Variants in SGCD observed in about 807,000 individuals in gnomAD.
SGCD encodes the protein sarcoglycan delta.
SGCD carries 18 observed loss-of-function variants against 36.6 expected under a neutral mutation model. That is an observed-to-expected ratio of 0.49 (90% CI 0.34 to 0.73). SGCD has a LOEUF of 0.73. Among genes scored for constraint, SGCD ranks in the 30% least tolerant of loss-of-function variants. The pLI, the probability that SGCD is intolerant of heterozygous loss-of-function variation, is 0.01. For synonymous variants in SGCD, 133 were observed against 130.6 expected (o/e 1.02, Z -0.12); for missense variants, 387 against 346.7 (o/e 1.12, Z -0.92).
At chr5:156,201,741 A>G (rs1764156789) in intron 3 of SGCD, among the ~76,000 whole-genome samples, 2 of 151,818 alleles carry the variant, frequency 1.3e-5, no homozygotes, top group African/African-American at 4.8e-5. Context: ...TTTTAATCTA[A>G]TAAGTGCTTT....
At chr5:156,155,613 GAAAAAAAA>G (rs56154305) in intron 3 of SGCD, among the ~76,000 whole-genome samples, 1 of 131,178 alleles carries the variant, frequency 7.6e-6, no homozygotes, top group Non-Finnish European at 1.6e-5. Flanking sequence ...CGTGGGCTAG[GAAAAAAAA>G]AAAAAAAAAA....
intron 7 of SGCD, among the ~76,000 whole-genome samples, chr5:156,685,613 G>A (rs1753875976): frequency 6.6e-6 from 1 of 152,164 alleles, no homozygotes; most frequent in Admixed American, 6.5e-5. Context: ...CTTATGTGCT[G>A]CCTTGGAACC....
chr5:156,367,685 T>C (rs1301003239), intron 3 of SGCD, among the ~76,000 whole-genome samples: 1 of 152,202 alleles, frequency 6.6e-6, no homozygotes, highest in Non-Finnish European at 1.5e-5. Flanking sequence ...ACTTATTCCA[T>C]GTGGCAGCCC....
chr5:156,229,377 C>T (rs1764955430), intron 3 of SGCD, among the ~76,000 whole-genome samples: 1 of 147,186 alleles, frequency 6.8e-6, no homozygotes, highest in Admixed American at 6.9e-5. Context: ...TGAATTCTCT[C>T]AGCATTTCTT....
intron 6 of SGCD, among the ~76,000 whole-genome samples, chr5:156,612,301 A>G (rs994725022): frequency 2.0e-5 from 3 of 152,248 alleles, no homozygotes; most frequent in African/African-American, 7.2e-5. Flanking sequence ...GGGTGGACCC[A>G]GTAACATAGC....
chr5:155,803,963 GTCA>G, the SGCD span, among the ~76,000 whole-genome samples: 36 of 152,290 alleles, frequency 2.4e-4, no homozygotes, highest in African/African-American at 8.4e-4. Flanking sequence ...ATGTAATACA[GTCA>G]TCTGAAATAG....
At chr5:156,070,028 G>C (rs1760492046) in intron 1 of SGCD, among the ~76,000 whole-genome samples, 1 of 151,786 alleles carries the variant, frequency 6.6e-6, no homozygotes, top group Non-Finnish European at 1.5e-5. Flanking sequence ...AGGAGATTTT[G>C]GGCTGAGACA....
chr5:155,921,610 G>A (rs1756881377), intron 1 of SGCD, among the ~76,000 whole-genome samples: 1 of 152,130 alleles, frequency 6.6e-6, no homozygotes, highest in African/African-American at 2.4e-5. Context: ...GTGCGAGACA[G>A]ATTCAAAACA....
At chr5:156,666,787 G>A (rs1381149413) in intron 7 of SGCD, among the ~76,000 whole-genome samples, 1 of 152,004 alleles carries the variant, frequency 6.6e-6, no homozygotes, top group Non-Finnish European at 1.5e-5. Flanking sequence ...TCTCAAGGCA[G>A]AAGAATTTTT....
At chr5:156,338,583 G>A (rs74940388) in intron 2 of SGCD, among the ~76,000 whole-genome samples, 13,581 of 152,114 alleles carry the variant, frequency 0.089, 820 homozygotes, top group Middle Eastern at 0.19. Flanking sequence ...AAGATCTGTC[G>A]AAAATGGCAG....
At chr5:155,842,139 T>A in the SGCD span, among the ~76,000 whole-genome samples, 1 of 151,926 alleles carries the variant, frequency 6.6e-6, no homozygotes, top group Non-Finnish European at 1.5e-5. Context: ...GAAAGATGCC[T>A]GAAGGCAATA....
chr5:155,764,689 A>G, the SGCD span, among the ~76,000 whole-genome samples: 1 of 152,036 alleles, frequency 6.6e-6, no homozygotes, highest in African/African-American at 2.4e-5. Flanking sequence ...TAGGGTGGGG[A>G]ATTATACTCC....
intron 1 of SGCD, among the ~76,000 whole-genome samples, chr5:156,069,853 G>C (rs146119960): frequency 0.16 from 24,205 of 151,964 alleles, 2,103 homozygotes; most frequent in Middle Eastern, 0.19. Context: ...CACGTCCCTT[G>C]TAAGTTGGAT....
intron 7 of SGCD, among the ~76,000 whole-genome samples, chr5:156,749,484 T>G (rs1757069642): frequency 6.6e-6 from 1 of 151,960 alleles, no homozygotes; most frequent in Admixed American, 6.6e-5. Context: ...TTGAAAGGAC[T>G]AATAATAAAC....
At chr5:155,788,328 G>A in the SGCD span, among the ~76,000 whole-genome samples, 1 of 152,132 alleles carries the variant, frequency 6.6e-6, no homozygotes, top group East Asian at 1.9e-4. Flanking sequence ...CGTTAAAAAT[G>A]TCTTGGAGAG....
chr5:156,477,635 A>G (rs1349298219), intron 3 of SGCD, among the ~76,000 whole-genome samples: 1 of 151,368 alleles, frequency 6.6e-6, no homozygotes, highest in Non-Finnish European at 1.5e-5. Flanking sequence ...GATGGCAACA[A>G]TAGAATCATC....
At chr5:156,153,442 G>A (rs904675631) in intron 3 of SGCD, among the ~76,000 whole-genome samples, 1 of 151,602 alleles carries the variant, frequency 6.6e-6, no homozygotes, top group African/African-American at 2.4e-5. Context: ...AAGAAAATAA[G>A]TAAACATCAC....
At position 156,759,969 on chromosome 5, in the gene SGCD, G is replaced by A. The variant is rs907424872; in HGVS notation, c.*579G>A. The A allele has an allele frequency of 6.6e-6, 1 of 152,134 alleles. No individual in the cohort carries two copies. The highest frequency in any genetic ancestry group is 2.4e-5 in the African/African-American group (1 of 41,432). The allele number at this position is 152,134 out of a possible 1,614,324, so 9.4% of individuals were successfully genotyped here. A position where few individuals can be genotyped will look rare whatever the true frequency, so the allele number is the denominator to read the frequency against. On this transcript the variant is annotated 3_prime_UTR_variant, in exon 9 of 9. Transcript: ENST00000337851. ...GCAATGCTGTAGAAGTCAGCCGTAG[G>A]AATTCAAAATGGCTGGCCTACCTTG...
chr5:156,382,192 A>G (rs1771019589), intron 3 of SGCD, among the ~76,000 whole-genome samples: 1 of 152,114 alleles, frequency 6.6e-6, no homozygotes, highest in East Asian at 1.9e-4. Context: ...CAGTGCTCAT[A>G]GGTCCCTCTC....
Sources: allele counts gnomAD v4.1 joint callset (sites outside exome capture counted in the v4.1 genomes callset), GRCh38; gene constraint gnomAD v4.1.1; transcripts MANE v1.5; gene names NCBI Gene and HGNC (gene_info 2026-07-23, HGNC 2026-07-21).